NLGN4X: variants seen among roughly 807,000 people sequenced by gnomAD.
The protein encoded by NLGN4X is neuroligin-4, X-linked.
Under a neutral mutation model 40.3 loss-of-function variants are expected in NLGN4X, and 3 were observed. The ratio of observed to expected loss-of-function variants is 0.07; its 90% confidence interval spans 0.03 to 0.19. The LOEUF is 0.19. Ranked by LOEUF, NLGN4X falls within the 10% of genes least tolerant of loss-of-function variation. The pLI is 1.00. For missense variants in NLGN4X, 382 were observed against 708.3 expected, an observed-to-expected ratio of 0.54 and a Z score of 5.23; for synonymous variants, 270 against 306.8, an observed-to-expected ratio of 0.88 and a Z score of 1.25.
intron 2 of NLGN4X, among the ~76,000 whole-genome samples, chrX:6,032,954 CAAG>C (rs2036909977): frequency 9.1e-6 from 1 of 110,166 alleles, no homozygotes; most frequent in Non-Finnish European, 1.9e-5. Flanking sequence ...ATAAAGATGT[CAAG>C]AAGAACAAAT....
intron 2 of NLGN4X, among the ~76,000 whole-genome samples, chrX:6,150,334 A>T (rs951299620): frequency 1.5e-4 from 17 of 112,511 alleles, no homozygotes; most frequent in Non-Finnish European, 3.0e-4. Flanking sequence ...TTATATAAAA[A>T]AGGAAATTTT....
chrX:5,982,867 T>C (rs748347194), intron 3 of NLGN4X, among the ~76,000 whole-genome samples: 3 of 111,129 alleles, frequency 2.7e-5, no homozygotes, highest in Non-Finnish European at 5.7e-5. Flanking sequence ...CAAAACACAA[T>C]ACAAACAAAC....
chrX:6,128,830 A>AT (rs957456032), intron 2 of NLGN4X, among the ~76,000 whole-genome samples: 20 of 111,268 alleles, frequency 1.8e-4, no homozygotes, highest in Admixed American at 4.8e-4. Context: ...ATATTTTTTA[A>AT]TTTTTTTTTG....
intron 2 of NLGN4X, among the ~76,000 whole-genome samples, chrX:6,038,414 T>C (rs2037074568): frequency 8.9e-6 from 1 of 112,391 alleles, no homozygotes; most frequent in African/African-American, 3.2e-5. Flanking sequence ...CTGGGGAAAA[T>C]ATTCCATGCA....
intron 1 of NLGN4X, among the ~76,000 whole-genome samples, chrX:6,196,483 C>T (rs1354650329): frequency 1.4e-4 from 13 of 90,835 alleles, no homozygotes; most frequent in Admixed American, 4.6e-4. Context: ...ACCCGGGAGG[C>T]GGAGCTTGCA....
At chrX:6,161,772 AAGAG>A (rs1055680096) in intron 1 of NLGN4X, among the ~76,000 whole-genome samples, 5 of 110,114 alleles carry the variant, frequency 4.5e-5, no homozygotes, top group Admixed American at 1.0e-4. Flanking sequence ...AATACGTGGA[AAGAG>A]AGAGAGGGAG....
intron 2 of NLGN4X, among the ~76,000 whole-genome samples, chrX:6,103,712 T>C: frequency 8.9e-6 from 1 of 112,060 alleles, no homozygotes; most frequent in Non-Finnish European, 1.9e-5. Context: ...TTTTCCTCGC[T>C]ACAGTTCAAC....
chrX:6,116,750 G>A (rs766963445), intron 2 of NLGN4X, among the ~76,000 whole-genome samples: 2 of 110,237 alleles, frequency 1.8e-5, no homozygotes, highest in African/African-American at 3.3e-5. Context: ...GGCTGGTCTG[G>A]AACTCCTGAC....
intron 3 of NLGN4X, among the ~76,000 whole-genome samples, chrX:6,011,613 G>A (rs902596415): frequency 7.2e-5 from 8 of 110,583 alleles, no homozygotes; most frequent in African/African-American, 2.6e-4. Context: ...TCTCCATCTA[G>A]GTCCTATAAT....
intron 2 of NLGN4X, among the ~76,000 whole-genome samples, chrX:6,106,631 GT>G (rs2039039055): frequency 8.9e-6 from 1 of 111,908 alleles, no homozygotes. Flanking sequence ...GAATCATACT[GT>G]ATGTAGCCTT....
intron 3 of NLGN4X, among the ~76,000 whole-genome samples, chrX:5,955,542 G>A (rs924835972): frequency 2.7e-5 from 3 of 111,185 alleles, no homozygotes; most frequent in African/African-American, 9.8e-5. Context: ...CCTCAGTAAT[G>A]AGTCCATGGA....
At chrX:6,159,780 C>T in intron 1 of NLGN4X, among the ~76,000 whole-genome samples, 1 of 112,208 alleles carries the variant, frequency 8.9e-6, no homozygotes, top group Middle Eastern at 4.6e-3. Context: ...ACTATTATCT[C>T]CAAAGCAGAC....
At chrX:6,057,858 A>T (rs192553206) in intron 2 of NLGN4X, among the ~76,000 whole-genome samples, 1 of 111,823 alleles carries the variant, frequency 8.9e-6, no homozygotes, top group Non-Finnish European at 1.9e-5. Flanking sequence ...ATGAAAATAC[A>T]ATCAGGTGAG....
At chrX:6,100,695 C>T (rs878935454) in intron 2 of NLGN4X, among the ~76,000 whole-genome samples, 42 of 111,844 alleles carry the variant, frequency 3.8e-4, no homozygotes, top group African/African-American at 2.3e-4. Flanking sequence ...ACCATACCAA[C>T]GGCAGTGATA....
At chrX:6,015,064 T>C (rs1353642526) in intron 3 of NLGN4X, among the ~76,000 whole-genome samples, 3 of 112,033 alleles carry the variant, frequency 2.7e-5, no homozygotes, top group Non-Finnish European at 5.6e-5. Context: ...AAATTTCTAA[T>C]TTAGCACCCT....
At chrX:5,970,706 T>A (rs1033541814) in intron 3 of NLGN4X, among the ~76,000 whole-genome samples, 7 of 112,040 alleles carry the variant, frequency 6.2e-5, no homozygotes, top group African/African-American at 2.3e-4. Flanking sequence ...TGTCAACTGG[T>A]AAGCTCTTAG....
chrX:6,154,442 TATCA>T (rs201619277), intron 1 of NLGN4X, among the ~76,000 whole-genome samples: 1,187 of 110,965 alleles, frequency 0.011, 28 homozygotes, highest in Admixed American at 0.085. Context: ...TTATTATTGA[TATCA>T]ATCAAATGTG....
At chrX:6,125,741 C>A (rs1219819777) in intron 2 of NLGN4X, among the ~76,000 whole-genome samples, 3 of 111,554 alleles carry the variant, frequency 2.7e-5, no homozygotes, top group African/African-American at 9.7e-5. Context: ...TTTAGTAATT[C>A]TACTTATTTA....
At chrX:6,182,947 TGAA>T (rs1921623960) in intron 1 of NLGN4X, among the ~76,000 whole-genome samples, 1 of 112,108 alleles carries the variant, frequency 8.9e-6, no homozygotes, top group South Asian at 3.8e-4. Flanking sequence ...ATGAACATGC[TGAA>T]GAAGGAGTGG....
Sources: allele counts gnomAD v4.1 joint callset (sites outside exome capture counted in the v4.1 genomes callset), GRCh38; gene constraint gnomAD v4.1.1; transcripts MANE v1.5; gene names NCBI Gene and HGNC (gene_info 2026-07-23, HGNC 2026-07-21).